EBF3: variants seen among roughly 807,000 people sequenced by gnomAD.
EBF3 encodes the protein transcription factor COE3.
In EBF3, 18 loss-of-function variants were observed where a neutral mutation model predicts 77.1. That is an observed-to-expected ratio of 0.23 (90% CI 0.16 to 0.35). The LOEUF (loss-of-function observed/expected upper bound fraction) is 0.35, where lower values mean the gene tolerates loss of function less well. Among genes scored for constraint, EBF3 ranks in the 10% least tolerant of loss-of-function variants. The pLI is 1.00. For missense variants in EBF3, 558 were observed against 860.0 expected, an observed-to-expected ratio of 0.65 and a Z score of 4.39; for synonymous variants, 350 against 343.5, an observed-to-expected ratio of 1.02 and a Z score of -0.21.
At chr10:129,920,852 T>A (rs1409914485) in intron 6 of EBF3, among the ~76,000 whole-genome samples, 1 of 151,998 alleles carries the variant, frequency 6.6e-6, no homozygotes, top group African/African-American at 2.4e-5. Context: ...GGCACCAGGG[T>A]GGGTGCAGAG....
intron 6 of EBF3, among the ~76,000 whole-genome samples, chr10:129,923,759 CAA>C (rs1435186657): frequency 6.6e-6 from 1 of 151,854 alleles, no homozygotes; most frequent in African/African-American, 2.4e-5. Flanking sequence ...GCACCAAAGA[CAA>C]AGTCAGCAAA....
chr10:129,842,957 A>G lies in EBF3; in HGVS notation c.1194+180T>C, dbSNP rs951840254. Among the ~76,000 whole-genome samples, 1 of 151,984 alleles carries G rather than the reference A, an allele frequency of 6.6e-6. No homozygotes were observed. Among genetic ancestry groups the G allele is most frequent in the Non-Finnish European group, 1.5e-5 (1 of 67,996 alleles). On this transcript the variant is annotated intron_variant, in intron 12 of 16. Transcript: ENST00000440978. This position sits in a 1 kb window ranked among gnomAD's most constrained non-coding sequence, Gnocchi z 4.4. ...TGCTTTTGGGTCCTGACACCAACTC[A>G]TCATTTCTACGTGAACCTAGCGTGA...
chr10:129,959,125 T>G (rs1859275431), intron 4 of EBF3, 118 bp from the exon 5 acceptor site: 3 of 1,242,454 alleles, frequency 2.4e-6, no homozygotes, highest in African/African-American at 1.6e-5. Context: ...GGGGAGGCGA[T>G]GCGCCCCCCT....
Position 129,839,076 on chromosome 10 carries a change from C to G in EBF3, c.1872+7G>C. Reference sequence around the variant, plus strand: ...TTGTGAAGACAATGATTTCAAATCACTGATACCTTTCCAGTTCCTTTTTTG... The same window carrying G: ...TTGTGAAGACAATGATTTCAAATCAGTGATACCTTTCCAGTTCCTTTTTTG... On this transcript the variant is annotated splice_region_variant and intron_variant, in intron 16 of 16. Transcript: ENST00000440978. The G allele has an allele frequency of 7.7e-7, 1 of 1,304,470 alleles. No individual in the cohort carries two copies. The highest frequency in any genetic ancestry group is 1.0e-6 in the Non-Finnish European group (1 of 988,964). The allele number at this position is 1,304,470 out of a possible 1,614,324, so 80.8% of individuals were successfully genotyped here. A position where few individuals can be genotyped will look rare whatever the true frequency, so the allele number is the denominator to read the frequency against.
rs1232306679 is a variant in EBF3 at position 129,938,635 on chromosome 10, A to G, written c.554+18623T>C. The stretch of plus-strand genomic sequence containing the variant: ...ATTTAGCATTTTTGATGGGCAGCCC[A>G]GGCAGGCACGAGCAGAACGCTCCTC... On this transcript the variant is annotated intron_variant, in intron 6 of 16. Coordinates refer to ENST00000440978, the MANE Select transcript of EBF3 (RefSeq NM_001375380.1). The surrounding 1 kb of genome is among the most constrained non-coding windows in gnomAD (Gnocchi z 5.1). 3.3e-5 allele frequency among the ~76,000 whole-genome samples: 5 copies of G among 152,340 alleles called. No homozygotes were observed. The East Asian group carries it at 9.6e-4, about 29-fold the overall frequency.
chr10:129,836,132 T>C lies in EBF3; in HGVS notation c.*1811A>G, dbSNP rs539120564. The C allele has an allele frequency of 4.8e-4, 73 of 152,762 alleles. No individual in the cohort carries two copies. Among genetic ancestry groups the C allele is most frequent in the African/African-American group, 1.7e-3 (72 of 41,574 alleles). The allele number at this position is 152,762 out of a possible 1,614,324, so 9.5% of individuals were successfully genotyped here. A position where few individuals can be genotyped will look rare whatever the true frequency, so the allele number is the denominator to read the frequency against. ...GGGCTTGTGCTTTTTTGTGTGTGTT[T>C]GTGTGTTTTACACCATACATCTCCA... On this transcript the variant is annotated 3_prime_UTR_variant, in exon 17 of 17. Transcript: ENST00000440978.
At chr10:129,893,896 G>T (rs540397434) in intron 6 of EBF3, among the ~76,000 whole-genome samples, 3 of 152,334 alleles carry the variant, frequency 2.0e-5, no homozygotes, top group Admixed American at 1.3e-4. Flanking sequence ...CTTCCCTGGT[G>T]GGGGTGCACG....
At chr10:129,900,000 T>C (rs1472821799) in intron 6 of EBF3, among the ~76,000 whole-genome samples, 1 of 152,386 alleles carries the variant, frequency 6.6e-6, no homozygotes, top group Middle Eastern at 3.4e-3. Flanking sequence ...TAATTTGATA[T>C]GAATTCCTCA....
intron 6 of EBF3, among the ~76,000 whole-genome samples, chr10:129,920,879 T>A (rs1856249661): frequency 6.6e-6 from 1 of 151,686 alleles, no homozygotes; most frequent in Admixed American, 6.6e-5. Flanking sequence ...GGGCCTAGAG[T>A]CAGCAGCTGG....
At chr10:129,927,838 C>T (rs1461315237) in intron 6 of EBF3, among the ~76,000 whole-genome samples, 2 of 152,180 alleles carry the variant, frequency 1.3e-5, no homozygotes, top group African/African-American at 4.8e-5. Context: ...CGTCTGTGCA[C>T]GATGCTCCCC....
intron 6 of EBF3, among the ~76,000 whole-genome samples, chr10:129,904,561 TGGATGAAC>T: frequency 6.6e-6 from 1 of 151,724 alleles, no homozygotes; most frequent in East Asian, 1.9e-4. Context: ...GATAAATGGA[TGGATGAAC>T]GGATGGATGG....
intron 6 of EBF3, among the ~76,000 whole-genome samples, chr10:129,928,086 C>T (rs1564897867): frequency 6.6e-6 from 1 of 152,104 alleles, no homozygotes; most frequent in Non-Finnish European, 1.5e-5. Context: ...TGCCACTTGC[C>T]CTGCAAACTC....
intron 6 of EBF3, among the ~76,000 whole-genome samples, chr10:129,930,847 T>C (rs760536204): frequency 2.0e-5 from 3 of 150,876 alleles, no homozygotes; most frequent in African/African-American, 4.9e-5. Context: ...TATCTGTCTA[T>C]ATCTATCTCT....
chr10:129,880,179 G>C (rs1853092209), intron 6 of EBF3, among the ~76,000 whole-genome samples: 1 of 152,160 alleles, frequency 6.6e-6, no homozygotes, highest in African/African-American at 2.4e-5. Context: ...GGCCTTCACT[G>C]TCATCCTCTG....
intron 6 of EBF3, among the ~76,000 whole-genome samples, chr10:129,905,680 G>A (rs1452067754): frequency 2.6e-5 from 4 of 152,134 alleles, no homozygotes; most frequent in Non-Finnish European, 5.9e-5. Context: ...AGGCCACACA[G>A]CTCAGCGAGA....
At chr10:129,887,983 A>G (rs147281251) in intron 6 of EBF3, among the ~76,000 whole-genome samples, 137 of 152,278 alleles carry the variant, frequency 9.0e-4, no homozygotes, top group African/African-American at 3.2e-3. Context: ...ATCCATCCCA[A>G]TCGGCCTCGT....
intron 6 of EBF3, among the ~76,000 whole-genome samples, chr10:129,913,713 G>T (rs1465494906): frequency 6.6e-6 from 1 of 152,238 alleles, no homozygotes; most frequent in Non-Finnish European, 1.5e-5. Flanking sequence ...GGGGCCCAGG[G>T]GTCTGGCTGT....
At chr10:129,932,361 G>A (rs10734094) in intron 6 of EBF3, among the ~76,000 whole-genome samples, 88,219 of 152,092 alleles carry the variant, frequency 0.58, 26,015 homozygotes, top group East Asian at 0.79. Flanking sequence ...AAGGCGACAA[G>A]GGCCACTTGC....
chr10:129,887,366 C>T (rs958115149), intron 6 of EBF3, among the ~76,000 whole-genome samples: 23 of 152,124 alleles, frequency 1.5e-4, no homozygotes, highest in African/African-American at 5.1e-4. Flanking sequence ...GTCTTGTTAC[C>T]GAGCATAAAA....
Sources: gnomAD v4.1 joint callset for allele counts (sites outside exome capture counted in the v4.1 genomes callset) on GRCh38, gnomAD v4.1.1 for gene constraint, Gnocchi (gnomAD v3.1) non-coding constraint, MANE v1.5 for transcripts, NCBI Gene and HGNC (gene_info 2026-07-23, HGNC 2026-07-21) for gene names.